Variants in SPATA13 observed in about 807,000 individuals in gnomAD.
SPATA13 encodes the protein spermatogenesis associated 13.
In SPATA13, 50 loss-of-function variants were observed where a neutral mutation model predicts 104.0. The observed-to-expected ratio is 0.48, with a 90% CI of 0.38 to 0.61. SPATA13 has a LOEUF of 0.61. SPATA13 is among the 20% of genes least tolerant of loss of function. The pLI is 0.00. For missense variants in SPATA13, 1,524 were observed against 1,690.6 expected (o/e 0.90, Z 1.73); for synonymous variants, 606 against 667.5 (o/e 0.91, Z 1.42).
intron 2 of SPATA13, among the ~76,000 whole-genome samples, chr13:24,239,923 T>C (rs1304095997): frequency 1.3e-5 from 2 of 151,870 alleles, no homozygotes; most frequent in African/African-American, 4.9e-5. Context: ...AGATGAAACA[T>C]GTTTTAAGAT....
chr13:24,139,369 G>C (rs1485789661), intron 3 of SPATA13, among the ~76,000 whole-genome samples: 1 of 152,138 alleles, frequency 6.6e-6, no homozygotes, highest in Non-Finnish European at 1.5e-5. Flanking sequence ...CGTAGTGGGG[G>C]CACTGTTCAG....
intron 1 of SPATA13, chr13:23,980,020 AT>A: frequency 2.6e-5 from 4 of 152,396 alleles, no homozygotes; most frequent in Non-Finnish European, 4.4e-5. Flanking sequence ...CCCGTGGAAC[AT>A]TTTTTTCCTG....
intron 3 of SPATA13, among the ~76,000 whole-genome samples, chr13:24,021,528 G>T (rs555772824): frequency 6.6e-6 from 1 of 152,266 alleles, no homozygotes; most frequent in South Asian, 2.1e-4. Context: ...ACCAGTATCA[G>T]GCTGAAAAGC....
intron 2 of SPATA13, among the ~76,000 whole-genome samples, chr13:24,006,489 G>GA (rs1876236396): frequency 6.6e-6 from 1 of 152,228 alleles, no homozygotes; most frequent in Non-Finnish European, 1.5e-5. Flanking sequence ...CGAAAGAACT[G>GA]AAAAAGGAAC....
rs1477770730 is a variant in SPATA13 at position 24,290,711 on chromosome 13, G to A, written c.2907G>A (p.Glu969=). 4 of 1,614,106 alleles carry A rather than the reference G, an allele frequency of 2.5e-6. No homozygotes were observed. The highest frequency in any genetic ancestry group is 1.3e-5 in the African/African-American group (1 of 74,934). ...ACAACCACCCGGGCGCCTGCCTGGA[G>A]CTCGCCAACCTCATGAAGCAGGGCA... ...YCNNHPGACL[E]LANLMKQGKY... Residue 969 remains glutamate (E), a synonymous_variant, in exon 9 of 13, where the codon GAG becomes GAA. Coordinates refer to ENST00000382108, the MANE Select transcript of SPATA13 (RefSeq NM_001166271.3).
At chr13:24,156,670 A>G (rs1882264359), upstream of SPATA13, among the ~76,000 whole-genome samples, 1 of 152,238 alleles carries the variant, frequency 6.6e-6, no homozygotes, top group South Asian at 2.1e-4. Context: ...CACCTTATCC[A>G]TTCTAATCAA....
intron 3 of SPATA13, among the ~76,000 whole-genome samples, chr13:24,133,755 G>C (rs1282181203): frequency 6.6e-6 from 1 of 152,164 alleles, no homozygotes; most frequent in Non-Finnish European, 1.5e-5. Context: ...GGGAGGAGAG[G>C]CAGAATAGTG....
intron 3 of SPATA13, among the ~76,000 whole-genome samples, chr13:24,065,218 G>T (rs1028414645): frequency 6.6e-6 from 1 of 152,136 alleles, no homozygotes; most frequent in Non-Finnish European, 1.5e-5. Flanking sequence ...AACTTTTCAG[G>T]TGGTCATTGG....
intron 3 of SPATA13, among the ~76,000 whole-genome samples, chr13:24,024,874 C>T (rs1877136041): frequency 6.6e-6 from 1 of 151,088 alleles, no homozygotes; most frequent in Admixed American, 6.6e-5. Flanking sequence ...CCCTGGGTAA[C>T]ATAGCGAGAA....
At chr13:24,129,080 A>G (rs7326148) in intron 3 of SPATA13, among the ~76,000 whole-genome samples, 102,209 of 152,164 alleles carry the variant, frequency 0.67, 34,927 homozygotes, top group East Asian at 0.87. Flanking sequence ...TTCCTCTGAT[A>G]GGCTGACTTC....
chr13:24,267,939 T>C (rs907017118), intron 4 of SPATA13, among the ~76,000 whole-genome samples: 4 of 152,228 alleles, frequency 2.6e-5, no homozygotes, highest in African/African-American at 9.6e-5. Context: ...TGGGATGTTG[T>C]TAAAATGTTG....
At position 24,294,818 on chromosome 13, in the gene SPATA13, G is replaced by T. The variant is rs1429329093; in HGVS notation, c.3160G>T (p.Glu1054Ter). 1 of 1,611,928 alleles carries T rather than the reference G, an allele frequency of 6.2e-7. No individual in the cohort carries two copies. Among genetic ancestry groups the T allele is most frequent in the Non-Finnish European group, 8.5e-7 (1 of 1,178,066 alleles). ...GATCAACGAGCGCAAGCGCAAGCTG[G>T]AGAGCATCGACAAGATAGCTCGCTG... is the stretch of plus-strand genomic sequence containing the variant. Reference protein sequence around the residue: ...CLINERKRKLESIDKIARWQV... With the variant: ...CLINERKRKL The change falls in exon 10 of 13, where the codon GAG becomes TAG. Residue 1054 changes from glutamate to a stop codon, truncating the protein, a stop_gained. Coordinates refer to ENST00000382108, the MANE Select transcript of SPATA13 (RefSeq NM_001166271.3). LOFTEE classifies it high-confidence loss of function.
At chr13:24,054,478 T>C (rs1346101222) in intron 3 of SPATA13, among the ~76,000 whole-genome samples, 1 of 152,166 alleles carries the variant, frequency 6.6e-6, no homozygotes, top group Non-Finnish European at 1.5e-5. Context: ...TTAGGGGAAA[T>C]TGTATGACAC....
chr13:24,141,311 ATAAT>A (rs1273861503), intron 3 of SPATA13, among the ~76,000 whole-genome samples: 2 of 152,198 alleles, frequency 1.3e-5, no homozygotes, highest in African/African-American at 4.8e-5. Context: ...TGAGACCCAG[ATAAT>A]TAATTAATTA....
chr13:24,191,235 CA>C (rs1566142423), intron 1 of SPATA13, among the ~76,000 whole-genome samples: 1 of 152,028 alleles, frequency 6.6e-6, no homozygotes, highest in South Asian at 2.1e-4. Context: ...CTCGGCCTCC[CA>C]AAATGTTGGG....
Position 23,985,039 on chromosome 13 carries a change from C to T in SPATA13, c.-147+1106C>T, listed in dbSNP as rs140957136. Among the ~76,000 whole-genome samples the T allele has an allele frequency of 6.7e-3, 1,021 of 152,270 alleles. 13 individuals carry two copies. The highest frequency in any genetic ancestry group is 0.021 in the African/African-American group (884 of 41,530). ...TTTTAATCAAAATGCTCACCTCAGA[C>T]GCACCCTCCTCAAATTAAGGAACAG... On this transcript the variant is annotated intron_variant, in intron 2 of 14. Coordinates refer to the SPATA13 transcript ENST00000424834.
rs532181932 is a variant in SPATA13 at position 24,115,661 on chromosome 13, G to A, written c.-112+97960G>A. 5.9e-5 allele frequency among the ~76,000 whole-genome samples: 9 copies of A among 152,320 alleles called. No individual in the cohort carries two copies. The South Asian group carries it at 1.7e-3, about 28-fold the overall frequency. On this transcript the variant is annotated intron_variant, in intron 3 of 14. Coordinates refer to the SPATA13 transcript ENST00000424834. ...GAGACTGCTGGTTTACAACCGCAAT[G>A]AACATTCATCATCCCACACAGTGTC...
chr13:24,033,671 C>G (rs1178638950), intron 3 of SPATA13: 5 of 152,256 alleles, frequency 3.3e-5, no homozygotes, highest in Non-Finnish European at 1.5e-5. Context: ...TCAGTGTCCC[C>G]CATCTCATGC....
In SPATA13 at chr13:23,984,524, G is replaced by A. The variant is rs545961228; in HGVS notation, c.-147+591G>A. On this transcript the variant is annotated intron_variant, in intron 2 of 14. Transcript: ENST00000424834. ...CCGCGCAGCACCTGTCCTTCCCACC[G>A]TGAGTGGTGGAGCTGTGGTCTGTGT... is the stretch of plus-strand genomic sequence containing the variant. Among the ~76,000 whole-genome samples, 23 of 152,288 alleles carry A rather than the reference G, an allele frequency of 1.5e-4. No homozygotes were observed. In the South Asian group the frequency reaches 1.7e-3, roughly 11 times the overall value.
Sources: gnomAD v4.1 joint callset for allele counts (sites outside exome capture counted in the v4.1 genomes callset) on GRCh38, gnomAD v4.1.1 for gene constraint, MANE v1.5 for transcripts, NCBI Gene and HGNC (gene_info 2026-07-23, HGNC 2026-07-21) for gene names.